Variants in CTNNA3 observed in about 807,000 individuals in gnomAD.
CTNNA3 encodes catenin alpha-3.
CTNNA3 carries 76 observed loss-of-function variants against 95.7 expected under a neutral mutation model. The observed-to-expected ratio is 0.79, with a 90% confidence interval of 0.66 to 0.96. The LOEUF (loss-of-function observed/expected upper bound fraction) is 0.96. Ranked by LOEUF, CTNNA3 falls within the 40% of genes least tolerant of loss-of-function variation. CTNNA3 has a pLI of 0.00. For synonymous variants in CTNNA3, 431 were observed against 374.4 expected (o/e 1.15, Z -1.74); for missense variants, 1,191 against 1,089.8 (o/e 1.09, Z -1.31).
chr10:66,678,559 AG>A (rs1306333486), intron 9 of CTNNA3, among the ~76,000 whole-genome samples: 2 of 152,184 alleles, frequency 1.3e-5, no homozygotes, highest in Non-Finnish European at 2.9e-5. Context: ...GGAATGCAGA[AG>A]GGGCAATGAC....
chr10:66,111,242 C>T (rs2133778483), intron 13 of CTNNA3, among the ~76,000 whole-genome samples: 1 of 152,202 alleles, frequency 6.6e-6, no homozygotes, highest in Non-Finnish European at 1.5e-5. Flanking sequence ...TCTTCCACCT[C>T]CTGCCCTGTA....
chr10:66,191,127 G>C (rs550848468), intron 13 of CTNNA3, among the ~76,000 whole-genome samples: 1 of 152,222 alleles, frequency 6.6e-6, no homozygotes, highest in Admixed American at 6.5e-5. Flanking sequence ...AACAAAGAAG[G>C]ACCCAGAGGT....
At chr10:66,624,802 C>A (rs2132326429) in intron 9 of CTNNA3, among the ~76,000 whole-genome samples, 1 of 152,182 alleles carries the variant, frequency 6.6e-6, no homozygotes, top group African/African-American at 2.4e-5. Context: ...CATACTCAAA[C>A]CAACCAATGG....
chr10:66,281,571 A>G (rs1031109021), intron 12 of CTNNA3, among the ~76,000 whole-genome samples: 2 of 151,910 alleles, frequency 1.3e-5, no homozygotes, highest in African/African-American at 4.8e-5. Context: ...AAACTAATCT[A>G]CTATATCATA....
At chr10:66,454,418 A>G (rs2093482938) in intron 11 of CTNNA3, among the ~76,000 whole-genome samples, 1 of 152,202 alleles carries the variant, frequency 6.6e-6, no homozygotes, top group Non-Finnish European at 1.5e-5. Flanking sequence ...TCACCATAGC[A>G]TCATAGGCAT....
At chr10:67,175,139 G>GAA in intron 7 of CTNNA3, among the ~76,000 whole-genome samples, 1 of 116,396 alleles carries the variant, frequency 8.6e-6, no homozygotes, top group Non-Finnish European at 1.7e-5. Flanking sequence ...GGAAAGGGAG[G>GAA]GAGGGAGGGA....
chr10:66,198,629 A>C, intron 13 of CTNNA3, among the ~76,000 whole-genome samples: 1 of 152,266 alleles, frequency 6.6e-6, no homozygotes, highest in South Asian at 2.1e-4. Context: ...TATAAAGAAA[A>C]ACACATCTTC....
chr10:66,031,452 G>A (rs945348475), intron 15 of CTNNA3, among the ~76,000 whole-genome samples: 5 of 152,150 alleles, frequency 3.3e-5, no homozygotes, highest in African/African-American at 9.7e-5. Context: ...AATTAACACA[G>A]TAACAGAAAA....
intron 12 of CTNNA3, among the ~76,000 whole-genome samples, chr10:66,294,188 C>T (rs1480282237): frequency 6.6e-6 from 1 of 152,126 alleles, no homozygotes; most frequent in Non-Finnish European, 1.5e-5. Flanking sequence ...TTTAAATTTA[C>T]TTTTTCTAAA....
At chr10:66,666,492 CA>C (rs1359764774) in intron 9 of CTNNA3, among the ~76,000 whole-genome samples, 1 of 152,136 alleles carries the variant, frequency 6.6e-6, no homozygotes, top group East Asian at 1.9e-4. Context: ...TCACTTTTGT[CA>C]TATAAGAGTC....
At chr10:66,247,048 CAAAAAA>C (rs57347598) in intron 13 of CTNNA3, among the ~76,000 whole-genome samples, 3 of 100,770 alleles carry the variant, frequency 3.0e-5, no homozygotes, top group Non-Finnish European at 4.0e-5. Context: ...GACTCCATCT[CAAAAAA>C]AAAAAAAAAA....
intron 9 of CTNNA3, among the ~76,000 whole-genome samples, chr10:66,680,228 C>A (rs921396412): frequency 2.0e-5 from 3 of 151,604 alleles, no homozygotes; most frequent in Non-Finnish European, 4.4e-5. Flanking sequence ...GATGGGGTTT[C>A]ACTGTGTTAG....
chr10:66,749,853 C>T (rs1282140590), intron 9 of CTNNA3, among the ~76,000 whole-genome samples: 1 of 152,236 alleles, frequency 6.6e-6, no homozygotes, highest in Non-Finnish European at 1.5e-5. Context: ...GACAATGCTT[C>T]TTGCTCGGCA....
intron 10 of CTNNA3, among the ~76,000 whole-genome samples, chr10:66,550,984 A>G (rs995241803): frequency 5.3e-5 from 8 of 151,974 alleles, no homozygotes; most frequent in African/African-American, 1.9e-4. Flanking sequence ...ATATACATTG[A>G]AAACCCCACC....
intron 3 of CTNNA3, among the ~76,000 whole-genome samples, chr10:67,561,028 C>T (rs1841489418): frequency 6.7e-6 from 1 of 149,872 alleles, no homozygotes; most frequent in South Asian, 2.1e-4. Context: ...GACTCCCACA[C>T]AATAATAATG....
intron 7 of CTNNA3, among the ~76,000 whole-genome samples, chr10:67,074,034 C>CCT (rs1554912985): frequency 1.8e-5 from 2 of 109,436 alleles, no homozygotes; most frequent in Non-Finnish European, 3.5e-5. Context: ...CATTTTAACT[C>CCT]TTTTTTTTTT....
At chr10:65,972,416 A>G (rs1254457026) in intron 16 of CTNNA3, among the ~76,000 whole-genome samples, 1 of 152,166 alleles carries the variant, frequency 6.6e-6, no homozygotes, top group African/African-American at 2.4e-5. Context: ...TGCTGTTGAT[A>G]TGATTTTATA....
rs558174490 is a variant in CTNNA3 at position 66,669,501 on chromosome 10, CACTGT to C, written c.1282-47722_1282-47718del. 3.2e-3 allele frequency among the ~76,000 whole-genome samples: 494 copies of C among 152,130 alleles called. 5 individuals carry two copies. Among genetic ancestry groups the C allele is most frequent in the Non-Finnish European group, 5.4e-3 (366 of 67,986 alleles). ...AGGTTGCAGTGAGCCGAGATCACAC[CACTGT>C]ACTCCAGCCTGGGTGACAGAGCGAG... is the stretch of plus-strand genomic sequence containing the variant. On this transcript the variant is annotated intron_variant, in intron 9 of 17. Transcript: ENST00000433211.
chr10:66,504,308 C>T (rs1184615930), intron 11 of CTNNA3, among the ~76,000 whole-genome samples: 3 of 152,252 alleles, frequency 2.0e-5, no homozygotes, highest in East Asian at 1.9e-4. Context: ...TTTAAAAACA[C>T]GTAGAACTTG....
Sources: gnomAD v4.1 joint callset for allele counts (sites outside exome capture counted in the v4.1 genomes callset) on GRCh38, gnomAD v4.1.1 for gene constraint, MANE v1.5 for transcripts, NCBI Gene and HGNC (gene_info 2026-07-23, HGNC 2026-07-21) for gene names.